GLIPR1L1: variants seen among roughly 807,000 people sequenced by gnomAD.
GLIPR1L1 encodes the protein GLIPR1-like protein 1.
Under a neutral mutation model 29.9 loss-of-function variants are expected in GLIPR1L1, and 26 were observed. The ratio of observed to expected loss-of-function variants is 0.87; its 90% confidence interval spans 0.64 to 1.21. The LOEUF is 1.21. Among genes scored for constraint, GLIPR1L1 ranks in the 50% most tolerant of loss-of-function variants. GLIPR1L1 has a pLI of 0.00. For missense variants in GLIPR1L1, 305 were observed against 290.3 expected (o/e 1.05, Z -0.37); for synonymous variants, 77 against 97.5 (o/e 0.79, Z 1.24).
intron 4 of GLIPR1L1, among the ~76,000 whole-genome samples, chr12:75,368,001 A>C (rs1199128467): frequency 6.6e-6 from 1 of 151,974 alleles, no homozygotes; most frequent in Non-Finnish European, 1.5e-5. Context: ...AATTTGAATA[A>C]ATGTTAACTT....
At chr12:75,366,679 T>C (rs2139658618) in intron 4 of GLIPR1L1, among the ~76,000 whole-genome samples, 1 of 151,780 alleles carries the variant, frequency 6.6e-6, no homozygotes, top group South Asian at 2.1e-4. Context: ...AATGGAGCTG[T>C]GGCCTAGGGT....
At chr12:75,352,195 T>C (rs2139452800) in intron 3 of GLIPR1L1, among the ~76,000 whole-genome samples, 1 of 152,280 alleles carries the variant, frequency 6.6e-6, no homozygotes, top group East Asian at 1.9e-4. Flanking sequence ...AGGCCCCATA[T>C]AAAAGGCACA....
chr12:75,365,175 G>C (rs1176074561), intron 4 of GLIPR1L1: 5 of 152,148 alleles, frequency 3.3e-5, no homozygotes, highest in African/African-American at 9.7e-5. Flanking sequence ...ATGAAAAGCA[G>C]ATCAGGCTCA....
chr12:75,343,378 C>T (rs1565960262), intron 1 of GLIPR1L1, among the ~76,000 whole-genome samples: 1 of 151,730 alleles, frequency 6.6e-6, no homozygotes, highest in South Asian at 2.1e-4. Flanking sequence ...TTAACATGAC[C>T]TTCTGAATTA....
At chr12:75,363,032 G>T in intron 3 of GLIPR1L1, 70 bp from the exon 4 acceptor site, 1 of 673,490 alleles carries the variant, frequency 1.5e-6, no homozygotes, top group Non-Finnish European at 2.5e-6. Flanking sequence ...AAAACAACTT[G>T]CATACATGCA....
At chr12:75,369,614 C>T (rs1472439056) in intron 4 of GLIPR1L1, 1 of 984,232 alleles carries the variant, frequency 1.0e-6, no homozygotes, top group African/African-American at 1.8e-5. Flanking sequence ...GTTCTGCATA[C>T]AAAAAATTCA....
intron 2 of GLIPR1L1, among the ~76,000 whole-genome samples, chr12:75,345,542 C>T (rs1157089153): frequency 6.6e-6 from 1 of 152,070 alleles, no homozygotes; most frequent in Non-Finnish European, 1.5e-5. Context: ...TTGTTCTTAT[C>T]AGAGGTGCAG....
chr12:75,341,735 C>T (rs1445205125), intron 1 of GLIPR1L1, among the ~76,000 whole-genome samples: 2 of 149,738 alleles, frequency 1.3e-5, no homozygotes, highest in Non-Finnish European at 3.0e-5. Flanking sequence ...CGTGAGCCAC[C>T]GCGCCCGGCC....
At chr12:75,362,891 C>T (rs2043702707) in intron 3 of GLIPR1L1, among the ~76,000 whole-genome samples, 1 of 152,068 alleles carries the variant, frequency 6.6e-6, no homozygotes, top group Non-Finnish European at 1.5e-5. Context: ...ATAGAATATT[C>T]AAGAATAGAA....
intron 3 of GLIPR1L1, among the ~76,000 whole-genome samples, chr12:75,356,923 A>G (rs1028027300): frequency 6.6e-6 from 1 of 152,222 alleles, no homozygotes; most frequent in East Asian, 1.9e-4. Context: ...GCACAACAGC[A>G]GACACGTAAT....
intron 1 of GLIPR1L1, among the ~76,000 whole-genome samples, chr12:75,342,311 T>C (rs912165626): frequency 2.0e-5 from 3 of 152,190 alleles, no homozygotes; most frequent in African/African-American, 4.8e-5. Context: ...GGTCTGTAGA[T>C]AATACCAATG....
At chr12:75,356,580 G>A (rs1289955585) in intron 3 of GLIPR1L1, among the ~76,000 whole-genome samples, 1 of 151,922 alleles carries the variant, frequency 6.6e-6, no homozygotes, top group South Asian at 2.1e-4. Flanking sequence ...CAGGTAAAAT[G>A]GAATTTTTAA....
At chr12:75,359,068 A>C (rs1469059747) in intron 3 of GLIPR1L1, among the ~76,000 whole-genome samples, 1 of 150,526 alleles carries the variant, frequency 6.6e-6, no homozygotes, top group Non-Finnish European at 1.5e-5. Flanking sequence ...ATCCACTGGA[A>C]TCTACCAAAA....
intron 3 of GLIPR1L1, among the ~76,000 whole-genome samples, chr12:75,348,914 A>G (rs2042626706): frequency 6.6e-6 from 1 of 152,198 alleles, no homozygotes; most frequent in South Asian, 2.1e-4. Context: ...TAATTCCCCC[A>G]GCTTCCTGTC....
chr12:75,355,623 G>C (rs183362138), intron 3 of GLIPR1L1, among the ~76,000 whole-genome samples: 1 of 152,144 alleles, frequency 6.6e-6, no homozygotes, highest in South Asian at 2.1e-4. Flanking sequence ...CAATCCCATC[G>C]CTAGGTATAT....
At chr12:75,351,991 G>C (rs954132471) in intron 3 of GLIPR1L1, among the ~76,000 whole-genome samples, 4 of 152,142 alleles carry the variant, frequency 2.6e-5, no homozygotes, top group Non-Finnish European at 4.4e-5. Context: ...TGCCTTGCAA[G>C]AGCTCCTGAA....
chr12:75,370,025 C>A, intron 5 of GLIPR1L1, 39 bp downstream of exon 5: 1 of 1,232,482 alleles, frequency 8.1e-7, no homozygotes, highest in Non-Finnish European at 1.2e-6. Context: ...TAAATTATTT[C>A]CTCCCGTTGA....
rs1565961072 is a variant in GLIPR1L1 at position 75,343,732 on chromosome 12, G to A, written c.214G>A (p.Ala72Thr). The A allele has an allele frequency of 1.9e-6, 3 of 1,612,060 alleles. No individual in the cohort carries two copies. The highest frequency in any genetic ancestry group is 8.5e-7 in the Non-Finnish European group (1 of 1,178,462). ...KGLAKMAKAW[A>T]NQCKFEHNDC... The stretch of plus-strand genomic sequence containing the variant: ...TTTAGCAAAGATGGCTAAAGCATGG[G>A]CAAACCAGTGCAAATTTGAACATAA... Residue 72 changes from alanine to threonine, a missense_variant, in exon 2 of 6, where the codon GCA (alanine) becomes ACA (threonine). Physicochemically the swap from Ala to Thr is moderately conservative, Grantham distance 58 (BLOSUM62 0). Coordinates refer to ENST00000378695, the MANE Select transcript of GLIPR1L1 (RefSeq NM_001304964.2).
At chr12:75,337,204 C>G (rs532794647) in intron 1 of GLIPR1L1, among the ~76,000 whole-genome samples, 1 of 151,430 alleles carries the variant, frequency 6.6e-6, no homozygotes, top group African/African-American at 2.4e-5. Flanking sequence ...AGGTAGGAAA[C>G]AAGTTTAAAT....
Sources: gnomAD v4.1 joint callset for allele counts (sites outside exome capture counted in the v4.1 genomes callset) on GRCh38, gnomAD v4.1.1 for gene constraint, MANE v1.5 for transcripts, NCBI Gene and HGNC (gene_info 2026-07-23, HGNC 2026-07-21) for gene names.